RTN4RL1: variants seen among roughly 807,000 people sequenced by gnomAD.
RTN4RL1 encodes the protein reticulon 4 receptor like 1, also known as reticulon-4 receptor-like 1.
In RTN4RL1, 7 loss-of-function variants were observed where a neutral mutation model predicts 25.6. The observed-to-expected ratio is 0.27, with a 90% confidence interval of 0.16 to 0.51. The LOEUF is 0.51. RTN4RL1 is among the 20% of genes least tolerant of loss of function. The pLI, the probability that RTN4RL1 is intolerant of heterozygous loss-of-function variation, is 0.97. For synonymous variants in RTN4RL1, 297 were observed against 288.2 expected, an observed-to-expected ratio of 1.03 and a Z score of -0.31; for missense variants, 500 against 615.6, an observed-to-expected ratio of 0.81 and a Z score of 1.99.
chr17:1,939,352 CAATA>C lies in RTN4RL1; in HGVS notation c.14-1548_14-1545del, dbSNP rs56045014. 7.9e-3 allele frequency among the ~76,000 whole-genome samples: 1,105 copies of C among 139,926 alleles called. 6 individuals are homozygous for C. Among genetic ancestry groups the C allele is most frequent in the African/African-American group, 0.014 (507 of 37,334 alleles). The allele number at this position is 139,926 out of a possible 152,430, so 91.8% of individuals were successfully genotyped here. On this transcript the variant is annotated intron_variant, in intron 1 of 1. Transcript: ENST00000331238. ...TGGGCGACAGAGCGAAACTCCGTCT[CAATA>C]AATAAATAAATAAATAAATAAATAA...
rs973757627 is a variant in RTN4RL1 at position 1,935,779 on chromosome 17, G to A, written c.*717C>T. The stretch of plus-strand genomic sequence containing the variant: ...TGTAGAGTGTGAATATATATAAGTG[G>A]ACGTAGTTAGTTATAAAACTGCACC... On this transcript the variant is annotated 3_prime_UTR_variant, in exon 2 of 2. Coordinates refer to ENST00000331238, the MANE Select transcript of RTN4RL1 (RefSeq NM_178568.4). 1.1e-6 allele frequency: 1 copy of A among 877,342 alleles called. No homozygotes were observed. Among genetic ancestry groups the A allele is most frequent in the Non-Finnish European group, 1.3e-6 (1 of 742,812 alleles). The allele number at this position is 877,342 out of a possible 1,614,324, so 54.3% of individuals were successfully genotyped here.
chr17:1,980,532 C>T (rs984525021), intron 1 of RTN4RL1, among the ~76,000 whole-genome samples: 11 of 152,224 alleles, frequency 7.2e-5, no homozygotes, highest in Non-Finnish European at 1.5e-4. Flanking sequence ...GGGTATTTGC[C>T]TCCCTCCCAC....
intron 1 of RTN4RL1, among the ~76,000 whole-genome samples, chr17:1,982,888 C>T (rs111799899): frequency 1.7e-4 from 26 of 152,292 alleles, no homozygotes; most frequent in African/African-American, 5.3e-4. Flanking sequence ...TCACTGTGTG[C>T]CACAGGCTGG....
intron 1 of RTN4RL1, among the ~76,000 whole-genome samples, 200 bp downstream of exon 1, chr17:2,024,653 G>T (rs2151333756): frequency 6.6e-6 from 1 of 152,272 alleles, no homozygotes; most frequent in African/African-American, 2.4e-5. Context: ...GATCCATGGA[G>T]AAAACCCCGT....
At chr17:1,976,885 G>GAGAAATGGGAA (rs1338392100) in intron 1 of RTN4RL1, among the ~76,000 whole-genome samples, 1 of 152,182 alleles carries the variant, frequency 6.6e-6, no homozygotes, top group African/African-American at 2.4e-5. Context: ...CTGAACCTCA[G>GAGAAATGGGAA]CGTCTGTATC....
At chr17:1,979,695 T>C (rs35528353) in intron 1 of RTN4RL1, among the ~76,000 whole-genome samples, 1 of 151,916 alleles carries the variant, frequency 6.6e-6, no homozygotes, top group Non-Finnish European at 1.5e-5. Context: ...GCGCACCTGC[T>C]ATTCAGCAGG....
chr17:1,966,807 G>A (rs2066793334), intron 1 of RTN4RL1, among the ~76,000 whole-genome samples: 1 of 152,098 alleles, frequency 6.6e-6, no homozygotes, highest in South Asian at 2.1e-4. Flanking sequence ...ATTTTACCTA[G>A]TTCCGGCATT....
chr17:1,969,544 C>T (rs773092589), intron 1 of RTN4RL1, among the ~76,000 whole-genome samples: 9 of 152,180 alleles, frequency 5.9e-5, no homozygotes, highest in Non-Finnish European at 8.8e-5. Flanking sequence ...TCCCCTTAGC[C>T]AGCCGCCAGC....
chr17:1,952,192 C>T (rs1408983463), intron 1 of RTN4RL1, among the ~76,000 whole-genome samples: 2 of 152,198 alleles, frequency 1.3e-5, no homozygotes, highest in African/African-American at 4.8e-5. Context: ...CAGCTGCCAT[C>T]ATGCACGAAT....
intron 1 of RTN4RL1, among the ~76,000 whole-genome samples, chr17:1,970,379 T>C (rs910291170): frequency 5.9e-5 from 9 of 152,118 alleles, no homozygotes; most frequent in Admixed American, 2.0e-4. Flanking sequence ...GTAGCTGGAT[T>C]TTTTACCTGG....
intron 1 of RTN4RL1, among the ~76,000 whole-genome samples, chr17:2,017,318 C>T (rs565231374): frequency 2.6e-5 from 4 of 152,358 alleles, no homozygotes; most frequent in Non-Finnish European, 4.4e-5. Context: ...TGCCACTACC[C>T]TCTGGAATCA....
At chr17:2,012,072 G>A (rs762041630) in intron 1 of RTN4RL1, among the ~76,000 whole-genome samples, 26 of 152,142 alleles carry the variant, frequency 1.7e-4, no homozygotes, top group African/African-American at 3.6e-4. Flanking sequence ...GGCACCACCC[G>A]AGCTCAGCTT....
chr17:2,024,742 C>T (rs994812085), intron 1 of RTN4RL1, 111 bp downstream of exon 1: 212 of 1,126,634 alleles, frequency 1.9e-4, no homozygotes, highest in Non-Finnish European at 2.5e-4. Flanking sequence ...ACCCACCAGC[C>T]CGCCGGGGGC....
Position 1,937,395 on chromosome 17 carries a change from C to T in RTN4RL1, c.427G>A (p.Gly143Ser), listed in dbSNP as rs377049572. Reference protein sequence around the residue: ...YKCGLSALPAGVFGGLHSLQY... With the variant: ...YKCGLSALPASVFGGLHSLQY... ...AGGCTGTGCAGGCCGCCAAAGACGC[C>T]GGCCGGCAAGGCGCTGAGCCCACAC... The change falls in exon 2 of 2, where the codon GGC (glycine) becomes AGC (serine). Residue 143 changes from glycine (G) to serine (S), a missense_variant. By Grantham distance (56) the Gly-to-Ser change is moderately conservative. Around this residue, in one of 2 missense-constraint regions of RTN4RL1, gnomAD observed 232 missense variants for 341.1 expected, o/e 0.68. Transcript: ENST00000331238. The T allele has an allele frequency of 2.2e-5, 35 of 1,613,532 alleles. No homozygotes were observed. In the African/African-American group the frequency reaches 2.9e-4, roughly 14 times the overall value.
intron 1 of RTN4RL1, among the ~76,000 whole-genome samples, chr17:1,943,044 G>A (rs892584532): frequency 6.6e-6 from 1 of 152,168 alleles, no homozygotes; most frequent in Non-Finnish European, 1.5e-5. Context: ...CTTGCCCCAG[G>A]CCCAGGCCGG....
chr17:1,983,511 A>G (rs1490794499), intron 1 of RTN4RL1, among the ~76,000 whole-genome samples: 1 of 152,112 alleles, frequency 6.6e-6, no homozygotes, highest in Non-Finnish European at 1.5e-5. Context: ...CGATCCTCCC[A>G]CCTCAGCCAC....
intron 1 of RTN4RL1, among the ~76,000 whole-genome samples, chr17:1,948,600 G>C (rs1915609889): frequency 6.6e-6 from 1 of 152,142 alleles, no homozygotes; most frequent in Non-Finnish European, 1.5e-5. Context: ...CGGACGGGCA[G>C]ACACAGGTGG....
At chr17:2,010,307 AT>A (rs140668600) in intron 1 of RTN4RL1, among the ~76,000 whole-genome samples, 29,893 of 129,174 alleles carry the variant, frequency 0.23, 3,981 homozygotes, top group East Asian at 0.47. Flanking sequence ...AAATAAAAAA[AT>A]AATAATAAAA....
intron 1 of RTN4RL1, among the ~76,000 whole-genome samples, chr17:1,953,854 C>G (rs899807204): frequency 6.6e-6 from 1 of 152,156 alleles, no homozygotes; most frequent in South Asian, 2.1e-4. Context: ...CATGAGCCAC[C>G]GTGCCTGGCC....
Sources: gnomAD v4.1 joint callset for allele counts (sites outside exome capture counted in the v4.1 genomes callset) on GRCh38, gnomAD v4.1.1 for gene constraint, gnomAD v4.1.1 regional missense constraint, MANE v1.5 for transcripts, NCBI Gene and HGNC (gene_info 2026-07-23, HGNC 2026-07-21) for gene names.